Variants in NWD2 observed in about 807,000 individuals in gnomAD.
NWD2 encodes NACHT and WD repeat domain containing 2.
In NWD2, 37 loss-of-function variants were observed where a neutral mutation model predicts 132.7. The observed-to-expected ratio is 0.28, with a 90% CI of 0.21 to 0.37. NWD2 has a LOEUF of 0.37. Ranked by LOEUF, NWD2 falls within the 10% of genes least tolerant of loss-of-function variation. The probability of loss-of-function intolerance (pLI) is 1.00; values close to 1 mark genes in which losing one functional copy is unlikely to be tolerated. For synonymous variants in NWD2, 705 were observed against 803.0 expected (o/e 0.88, Z 2.06); for missense variants, 1,592 against 2,122.4 (o/e 0.75, Z 4.91).
Position 37,446,706 on chromosome 4 carries a change from C to T in NWD2, c.4718C>T (p.Ser1573Phe). The change falls in exon 7 of 7, where the codon TCT (serine) becomes TTT (phenylalanine). Residue 1573 changes from serine to phenylalanine, a missense_variant. By Grantham distance (155) the Ser-to-Phe change is radical. Around this residue, in one of 7 missense-constraint regions of NWD2, gnomAD observed 257 missense variants for 335.0 expected, o/e 0.77. Coordinates refer to ENST00000309447, the MANE Select transcript of NWD2 (RefSeq NM_001144990.2). This position sits in a 1 kb window ranked among gnomAD's most constrained non-coding sequence, Gnocchi z 6.7. Reference sequence around the variant, plus strand: ...GGGATCATCTGGCGGCAGAGGTTGTCTCGGGATGGTCGCTACCTGGTATAC... The same window carrying T: ...GGGATCATCTGGCGGCAGAGGTTGTTTCGGGATGGTCGCTACCTGGTATAC... ...ASGIIWRQRLSRDGRYLVYIC... is the reference protein window; with the variant it reads ...ASGIIWRQRLFRDGRYLVYIC... 6.4e-7 allele frequency: 1 copy of T among 1,551,552 alleles called. No individual in the cohort carries two copies. The highest frequency in any genetic ancestry group is 1.2e-5 in the South Asian group (1 of 84,044).
intron 3 of NWD2, among the ~76,000 whole-genome samples, chr4:37,429,368 G>A (rs961379064): frequency 2.0e-5 from 3 of 152,102 alleles, no homozygotes; most frequent in Non-Finnish European, 4.4e-5. Context: ...AGGCTGGAGT[G>A]CAGTGGCGCA....
intron 3 of NWD2, among the ~76,000 whole-genome samples, chr4:37,375,661 C>T (rs1188340062): frequency 4.6e-5 from 7 of 152,004 alleles, no homozygotes; most frequent in Non-Finnish European, 8.8e-5. Context: ...CTCCGCCTCC[C>T]GGGTTCACAC....
intron 2 of NWD2, among the ~76,000 whole-genome samples, chr4:37,331,783 G>A (rs1719298131): frequency 6.6e-6 from 1 of 152,216 alleles, no homozygotes; most frequent in African/African-American, 2.4e-5. Flanking sequence ...GCACTGAAGA[G>A]GGTAGGAAAG....
intron 3 of NWD2, among the ~76,000 whole-genome samples, chr4:37,375,480 C>T (rs894062291): frequency 6.6e-6 from 1 of 151,884 alleles, no homozygotes; most frequent in African/African-American, 2.4e-5. Flanking sequence ...AAGAGACTGA[C>T]ACATAGAAAG....
intron 3 of NWD2, among the ~76,000 whole-genome samples, chr4:37,365,760 T>C (rs1577680689): frequency 6.6e-6 from 1 of 152,332 alleles, no homozygotes; most frequent in East Asian, 1.9e-4. Context: ...ATTAAGTATT[T>C]CCACAGTAAA....
intron 3 of NWD2, among the ~76,000 whole-genome samples, chr4:37,377,426 C>T (rs770740388): frequency 1.3e-5 from 2 of 152,008 alleles, no homozygotes; most frequent in Non-Finnish European, 2.9e-5. Context: ...ACTGTCAGAC[C>T]AAAGTTGTTA....
intron 2 of NWD2, among the ~76,000 whole-genome samples, chr4:37,342,244 A>G (rs1209153203): frequency 5.3e-5 from 8 of 152,152 alleles, no homozygotes; most frequent in Admixed American, 4.6e-4. Flanking sequence ...CTGGCTATTT[A>G]AAGAGGCTGG....
chr4:37,245,357 G>A, intron 1 of NWD2, 139 bp downstream of exon 1: 2 of 1,074,368 alleles, frequency 1.9e-6, no homozygotes, highest in Middle Eastern at 2.4e-4. Context: ...CCCTGAGCGC[G>A]TGGGAATTTA....
At chr4:37,274,670 C>A (rs1306463294) in intron 1 of NWD2, among the ~76,000 whole-genome samples, 3 of 151,860 alleles carry the variant, frequency 2.0e-5, no homozygotes, top group East Asian at 1.9e-4. Flanking sequence ...AACATCGATG[C>A]AAAAATCCTC....
rs200359097 is a variant in NWD2, at chr4:37,444,529, C to G, written c.2541C>G (p.Thr847=). 6.4e-7 allele frequency: 1 copy of G among 1,551,724 alleles called. No homozygotes were observed. Among genetic ancestry groups the G allele is most frequent in the South Asian group, 1.2e-5 (1 of 84,046 alleles). The stretch of plus-strand genomic sequence containing the variant: ...ACCACTTGACGAGGTGTGGAAAAAC[C>G]GATGACCTGCTTTACGGCATCATCA... The part of the protein sequence containing the change: ...LLYHLTRCGK[T]DDLLYGIIMN... Residue 847 remains threonine, a synonymous_variant, in exon 7 of 7, where the codon ACC becomes ACG. Transcript: ENST00000309447. The surrounding 1 kb of genome is among the most constrained non-coding windows in gnomAD (Gnocchi z 4.8).
At chr4:37,309,058 G>A (rs770270933) in intron 1 of NWD2, among the ~76,000 whole-genome samples, 7 of 152,200 alleles carry the variant, frequency 4.6e-5, no homozygotes, top group Non-Finnish European at 7.4e-5. Flanking sequence ...CTGCTGAAGC[G>A]GGCAGAGTTG....
intron 1 of NWD2, among the ~76,000 whole-genome samples, chr4:37,270,314 T>C (rs73240348): frequency 1.3e-5 from 2 of 151,854 alleles, no homozygotes; most frequent in Admixed American, 6.6e-5. Flanking sequence ...AATTTTTGAA[T>C]GAATAACTAT....
At position 37,444,063 on chromosome 4, in the gene NWD2, A is replaced by G; in HGVS notation, c.2075A>G (p.Lys692Arg). The part of the protein sequence containing the change: ...ALDNSVMSEL[K>R]ENTRPSNPLR... ...GACAACAGTGTAATGAGTGAGCTCA[A>G]AGAAAACACCAGACCCAGCAATCCC... Residue 692 changes from lysine to arginine, a missense_variant, in exon 7 of 7, where the codon AAA (lysine) becomes AGA (arginine). Lys to Arg is a conservative substitution (Grantham distance 26). Transcript: ENST00000309447. The surrounding 1 kb of genome is among the most constrained non-coding windows in gnomAD (Gnocchi z 4.8). The G allele has an allele frequency of 1.3e-6, 2 of 1,551,852 alleles. No individual in the cohort carries two copies. The highest frequency in any genetic ancestry group is 2.4e-5 in the South Asian group (2 of 84,050).
intron 1 of NWD2, among the ~76,000 whole-genome samples, chr4:37,282,149 A>C (rs1718141451): frequency 6.6e-6 from 1 of 152,328 alleles, no homozygotes; most frequent in Middle Eastern, 3.4e-3. Flanking sequence ...AGCATATTTC[A>C]TGTAAAAAGC....
intron 5 of NWD2, among the ~76,000 whole-genome samples, chr4:37,437,527 A>T (rs1460553765): frequency 6.6e-6 from 1 of 152,104 alleles, no homozygotes; most frequent in Non-Finnish European, 1.5e-5. Context: ...ATTTTTCTCA[A>T]TGTTCTGTTT....
At chr4:37,294,962 A>G (rs1718445088) in intron 1 of NWD2, among the ~76,000 whole-genome samples, 1 of 152,200 alleles carries the variant, frequency 6.6e-6, no homozygotes, top group Non-Finnish European at 1.5e-5. Flanking sequence ...AGTGGGCTAG[A>G]GGGAAAGGAG....
intron 1 of NWD2, among the ~76,000 whole-genome samples, chr4:37,320,987 T>A (rs2109285644): frequency 6.6e-6 from 1 of 152,066 alleles, no homozygotes. Context: ...TAAAACCCCG[T>A]CTGTACTAAT....
chr4:37,424,720 A>C (rs1711943946), intron 3 of NWD2, among the ~76,000 whole-genome samples: 1 of 152,162 alleles, frequency 6.6e-6, no homozygotes, highest in Admixed American at 6.5e-5. Context: ...CAGCTGCCTC[A>C]CGCCCAACAA....
At chr4:37,350,561 T>C (rs1719739567) in intron 2 of NWD2, among the ~76,000 whole-genome samples, 1 of 152,234 alleles carries the variant, frequency 6.6e-6, no homozygotes, top group African/African-American at 2.4e-5. Flanking sequence ...TGAAGTTGCT[T>C]ATCAGCTTAA....
Sources: allele counts gnomAD v4.1 joint callset (sites outside exome capture counted in the v4.1 genomes callset), GRCh38; gene constraint gnomAD v4.1.1; regional missense constraint gnomAD v4.1.1; non-coding constraint Gnocchi (gnomAD v3.1); transcripts MANE v1.5; gene names NCBI Gene and HGNC (gene_info 2026-07-23, HGNC 2026-07-21).